SEC14L4: variants seen among roughly 807,000 people sequenced by gnomAD.
SEC14L4 encodes SEC14 like lipid binding 4.
A neutral mutation model predicts 55.1 loss-of-function variants in SEC14L4; 42 were observed. That is an observed-to-expected ratio of 0.76 (90% CI 0.60 to 0.99). The LOEUF (loss-of-function observed/expected upper bound fraction) is 0.99. Ranked by LOEUF, SEC14L4 falls within the 50% of genes least tolerant of loss-of-function variation. The pLI is 0.00. For synonymous variants in SEC14L4, 206 were observed against 206.8 expected (o/e 1.00, Z 0.03); for missense variants, 445 against 512.1 (o/e 0.87, Z 1.27).
Position 30,489,812 on chromosome 22 carries a change from T to G in SEC14L4, c.*295A>C. On this transcript the variant is annotated 3_prime_UTR_variant, in exon 12 of 12. Coordinates refer to ENST00000255858, the MANE Select transcript of SEC14L4 (RefSeq NM_174977.4). ...TGTCAAGATGGGTGAAAGGGCAGCT[T>G]CTGCAAGCAGGACCCATCCTCAGTG... 6.6e-7 allele frequency: 1 copy of G among 1,511,864 alleles called. No individual in the cohort carries two copies. The highest frequency in any genetic ancestry group is 1.4e-5 in the African/African-American group (1 of 72,378). The allele number at this position is 1,511,864 out of a possible 1,614,324, so 93.7% of individuals were successfully genotyped here.
rs1398250761 is a variant in SEC14L4, at chr22:30,505,654, G to C, written c.-43C>G. ...AAAGGCTCAGGGCGCAGGTCCGCCC[G>C]CCCGCCGCCGCCTGGCCTTGTATCC... On this transcript the variant is annotated 5_prime_UTR_variant, in exon 1 of 12. Transcript: ENST00000255858. The C allele has an allele frequency of 4.7e-6, 7 of 1,503,264 alleles. No homozygotes were observed. The highest frequency in any genetic ancestry group is 2.8e-5 in the African/African-American group (2 of 72,048). The allele number at this position is 1,503,264 out of a possible 1,614,324, so 93.1% of individuals were successfully genotyped here.
chr22:30,492,091 C>G lies in SEC14L4; in HGVS notation c.729G>C (p.Gly243=). ...GGTTGCCATCGGGGTCAGTCATGGT[C>G]CCCCCAAACTCCACAGGCAGCTGGT... ...SPDQLPVEFG[G]TMTDPDGNPK... The change falls in exon 9 of 12, where the codon GGG becomes GGC. Residue 243 remains glycine (G), a synonymous_variant. Coordinates refer to ENST00000255858, the MANE Select transcript of SEC14L4 (RefSeq NM_174977.4). 6.2e-7 allele frequency: 1 copy of G among 1,613,820 alleles called. No homozygotes were observed. The highest frequency in any genetic ancestry group is 2.2e-5 in the East Asian group (1 of 44,874).
chr22:30,495,192 C>T, intron 5 of SEC14L4, 62 bp downstream of exon 5: 1 of 1,453,314 alleles, frequency 6.9e-7, no homozygotes, highest in East Asian at 2.4e-5. Context: ...GGGTGCCACC[C>T]TTCTCTGGTC....
At chr22:30,505,535 T>A (rs1387394037) in intron 1 of SEC14L4, 23 bp downstream of exon 1, 2 of 1,556,224 alleles carry the variant, frequency 1.3e-6, no homozygotes, top group Non-Finnish European at 1.7e-6. Flanking sequence ...TCCTCAAGCC[T>A]CCCAGCCCGC....
chr22:30,502,102 G>A (rs1252938191), intron 2 of SEC14L4, among the ~76,000 whole-genome samples: 2 of 151,834 alleles, frequency 1.3e-5, no homozygotes, highest in African/African-American at 4.8e-5. Context: ...CTGGCCTCAA[G>A]TGATCTGCCC....
chr22:30,494,293 G>C, intron 6 of SEC14L4, 83 bp from the exon 7 acceptor site: 3 of 1,040,452 alleles, frequency 2.9e-6, no homozygotes, highest in Non-Finnish European at 4.6e-6. Context: ...ATGCTGCTGA[G>C]ACAAGAGGCC....
chr22:30,495,505 G>C (rs576851676), intron 4 of SEC14L4, 63 bp from the exon 5 acceptor site: 1 of 1,608,886 alleles, frequency 6.2e-7, no homozygotes, highest in African/African-American at 1.3e-5. Context: ...TACTCCATCA[G>C]GTGGCTGGAC....
At chr22:30,504,540 G>C (rs972150543) in intron 1 of SEC14L4, among the ~76,000 whole-genome samples, 4 of 152,154 alleles carry the variant, frequency 2.6e-5, no homozygotes, top group African/African-American at 9.7e-5. Flanking sequence ...CCAATCAAAG[G>C]AGTCTGTGCA....
At position 30,489,250 on chromosome 22, in the gene SEC14L4, T is replaced by TTTGC; in HGVS notation, c.*856_*857insGCAA. 1 of 154,620 alleles carries TTTGC rather than the reference T, an allele frequency of 6.5e-6. No individual in the cohort carries two copies. The highest frequency in any genetic ancestry group is 1.4e-5 in the Non-Finnish European group (1 of 69,822). The allele number at this position is 154,620 out of a possible 1,614,324, so 9.6% of individuals were successfully genotyped here. ...CTTTATTTGTTTGTTTGTTTGTTTG[T>TTTGC]TTGTTTAGAGACGGAGTCTGGCTCT... On this transcript the variant is annotated 3_prime_UTR_variant, in exon 12 of 12. Coordinates refer to ENST00000255858, the MANE Select transcript of SEC14L4 (RefSeq NM_174977.4).
chr22:30,505,416 C>T, intron 1 of SEC14L4, 142 bp downstream of exon 1: 1 of 870,276 alleles, frequency 1.1e-6, no homozygotes, highest in Non-Finnish European at 1.8e-6. Flanking sequence ...TCAACAACCG[C>T]ACGCTGGACC....
In SEC14L4 at chr22:30,489,600, T is replaced by C; in HGVS notation, c.*507A>G. 1 of 575,792 alleles carries C rather than the reference T, an allele frequency of 1.7e-6. No homozygotes were observed. The highest frequency in any genetic ancestry group is 3.1e-6 in the Non-Finnish European group (1 of 323,464). 35.7% of individuals were successfully genotyped at this position (575,792 alleles called of 1,614,324 possible). On this transcript the variant is annotated 3_prime_UTR_variant, in exon 12 of 12. Coordinates refer to ENST00000255858, the MANE Select transcript of SEC14L4 (RefSeq NM_174977.4). ...ACTTGGATGGGCCCCAGTGCTCTGC[T>C]GGAACCAGGACCCTCACCCAGCTGC...
At chr22:30,495,870 G>A in intron 3 of SEC14L4, 58 bp downstream of exon 3, 2 of 1,594,266 alleles carry the variant, frequency 1.3e-6, no homozygotes, top group Non-Finnish European at 8.6e-7. Context: ...CCCTTTTGCA[G>A]CAAATCCCTG....
At chr22:30,491,359 C>T in intron 11 of SEC14L4, 1 of 607,300 alleles carries the variant, frequency 1.6e-6, no homozygotes, top group Non-Finnish European at 2.9e-6. Context: ...GGAGCTGAGC[C>T]CAAGGCCCTA....
chr22:30,494,810 G>A lies in SEC14L4; in HGVS notation c.519+56C>T, dbSNP rs183949022. On this transcript the variant is annotated intron_variant, in intron 6 of 11. Transcript: ENST00000255858. ...GATTCTCACATCAATTCACAGCTAG[G>A]GCTCACAGCTGGGAGCCACTGCCCA... 5.0e-4 allele frequency: 573 copies of A among 1,151,200 alleles called. 2 individuals carry two copies. In the African/African-American group the frequency reaches 8.0e-3, roughly 16 times the overall value. 71.3% of individuals were successfully genotyped at this position (1,151,200 alleles called of 1,614,324 possible). A position where few individuals can be genotyped will look rare whatever the true frequency, so the allele number is the denominator to read the frequency against.
chr22:30,495,442 C>G lies in SEC14L4; in HGVS notation c.235G>C (p.Val79Leu), dbSNP rs772436197. The change falls in exon 5 of 12, where the codon GTC (valine) becomes CTC (leucine). Residue 79 changes from valine (V) to leucine (L), a missense_variant and splice_region_variant. By Grantham distance (32) the Val-to-Leu change is conservative. Transcript: ENST00000255858. Reference sequence around the variant, plus strand: ...CCACCCGAGTCATACAGCTGGATGACCTGGAAGTGTGGGTAAGGTCCCGAC... The same window carrying G: ...CCACCCGAGTCATACAGCTGGATGAGCTGGAAGTGTGGGTAAGGTCCCGAC... ...DNIVTWQPPE[V>L]IQLYDSGGLC... 4 of 1,612,826 alleles carry G rather than the reference C, an allele frequency of 2.5e-6. No individual in the cohort carries two copies. The South Asian group carries it at 4.4e-5, about 18-fold the overall frequency.
chr22:30,493,936 G>A (rs530123786), intron 7 of SEC14L4, among the ~76,000 whole-genome samples: 7 of 152,186 alleles, frequency 4.6e-5, no homozygotes, highest in South Asian at 2.1e-4. Context: ...CCCAGGAGGC[G>A]GAGGTTGCAG....
At chr22:30,495,140 C>T in intron 5 of SEC14L4, 114 bp downstream of exon 5, 4 of 1,151,504 alleles carry the variant, frequency 3.5e-6, no homozygotes, top group Non-Finnish European at 4.8e-6. Flanking sequence ...GAGAAGCCCA[C>T]ATTCCACCAG....
chr22:30,500,236 G>A (rs1936278583), intron 2 of SEC14L4, among the ~76,000 whole-genome samples: 1 of 152,076 alleles, frequency 6.6e-6, no homozygotes, highest in Non-Finnish European at 1.5e-5. Context: ...TGGGGGAGGG[G>A]AAGTTTTTGC....
chr22:30,494,447 G>A (rs190852555), intron 6 of SEC14L4, among the ~76,000 whole-genome samples: 4 of 152,236 alleles, frequency 2.6e-5, no homozygotes, highest in East Asian at 1.9e-4. Flanking sequence ...AGGTCACTGC[G>A]ACCTTGAATT....
Sources: gnomAD v4.1 joint callset for allele counts (sites outside exome capture counted in the v4.1 genomes callset) on GRCh38, gnomAD v4.1.1 for gene constraint, MANE v1.5 for transcripts, NCBI Gene and HGNC (gene_info 2026-07-23, HGNC 2026-07-21) for gene names.